The following ARHGEF37 variants were observed in gnomAD, a reference collection of about 807,000 sequenced individuals.
ARHGEF37 encodes Rho guanine nucleotide exchange factor 37.
ARHGEF37 carries 55 observed loss-of-function variants against 71.1 expected under a neutral mutation model. The observed-to-expected ratio is 0.77, with a 90% confidence interval of 0.62 to 0.97. The LOEUF is 0.97. Ranked by LOEUF, ARHGEF37 falls within the 50% of genes least tolerant of loss-of-function variation. The probability of loss-of-function intolerance (pLI) is 0.00; values close to 1 mark genes in which losing one functional copy is unlikely to be tolerated. For missense variants in ARHGEF37, 765 were observed against 836.8 expected (o/e 0.91, Z 1.06); for synonymous variants, 327 against 350.6 (o/e 0.93, Z 0.75).
intron 1 of ARHGEF37, among the ~76,000 whole-genome samples, chr5:149,595,972 A>G (rs1387911454): frequency 7.0e-6 from 1 of 143,772 alleles, no homozygotes; most frequent in East Asian, 2.1e-4. Flanking sequence ...CTGATCCACC[A>G]TTTCACAGAA....
At chr5:149,597,113 G>A (rs146824997) in intron 1 of ARHGEF37, among the ~76,000 whole-genome samples, 13 of 152,064 alleles carry the variant, frequency 8.5e-5, no homozygotes, top group Non-Finnish European at 1.2e-4. Context: ...TGGGGTGTAG[G>A]GGGACCACTG....
In ARHGEF37 at chr5:149,601,168, A is replaced by G. The variant is rs1184570207; in HGVS notation, c.247A>G (p.Ser83Gly). 3 of 1,613,518 alleles carry G rather than the reference A, an allele frequency of 1.9e-6. No homozygotes were observed. Among genetic ancestry groups the G allele is most frequent in the South Asian group, 1.1e-5 (1 of 91,044 alleles). The part of the protein sequence containing the change: ...SNIDDIIKVN[S>G]RFLHDLQETA... ...CATTGATGATATCATCAAAGTGAAC[A>G]GCAGATTCCTCCATGATCTGCAGGA... Residue 83 changes from serine to glycine, a missense_variant, in exon 3 of 13, where the codon AGC becomes GGC. Ser to Gly is a moderately conservative substitution (Grantham distance 56). Transcript: ENST00000333677.
In ARHGEF37 at chr5:149,622,063, G is replaced by A. The variant is rs1457443658; in HGVS notation, c.1335+1G>A. The A allele has an allele frequency of 3.1e-6, 5 of 1,603,164 alleles. No individual in the cohort carries two copies. In the East Asian group the frequency reaches 9.0e-5, roughly 29 times the overall value. Reference sequence around the variant, plus strand: ...GAGGGCAGAGGGAAGCATGGCCCAGGTAAGGCCTCTGAGACTTGGACACCT... The same window carrying A: ...GAGGGCAGAGGGAAGCATGGCCCAGATAAGGCCTCTGAGACTTGGACACCT... On this transcript the variant is annotated splice_donor_variant, in intron 9 of 12. Transcript: ENST00000333677. LOFTEE classifies it high-confidence loss of function.
At chr5:149,612,497 A>G (rs1752226298) in intron 4 of ARHGEF37, among the ~76,000 whole-genome samples, 1 of 152,214 alleles carries the variant, frequency 6.6e-6, no homozygotes, top group African/African-American at 2.4e-5. Context: ...ATGATAAGAG[A>G]AAGAAGGAAA....
intron 1 of ARHGEF37, among the ~76,000 whole-genome samples, chr5:149,583,050 A>T (rs1293515515): frequency 6.6e-6 from 1 of 152,242 alleles, no homozygotes; most frequent in Non-Finnish European, 1.5e-5. Context: ...GAAAGTAGAA[A>T]CTACCAGATA....
intron 1 of ARHGEF37, among the ~76,000 whole-genome samples, chr5:149,561,272 CAAAAAA>C (rs11334969): frequency 1.1e-4 from 7 of 63,238 alleles, no homozygotes; most frequent in Admixed American, 6.3e-4. Context: ...GACTCTGTCT[CAAAAAA>C]AAAAAAAAAA....
intron 10 of ARHGEF37, among the ~76,000 whole-genome samples, chr5:149,626,324 A>G (rs1752684508): frequency 6.6e-6 from 1 of 152,058 alleles, no homozygotes; most frequent in African/African-American, 2.4e-5. Context: ...TATATTTAAC[A>G]TATTTAGTTT....
At position 149,597,756 on chromosome 5, in the gene ARHGEF37, C is replaced by T. The variant is rs1763587274; in HGVS notation, c.-11-3C>T. 6.5e-7 allele frequency: 1 copy of T among 1,529,096 alleles called. No individual in the cohort carries two copies. Among genetic ancestry groups the T allele is most frequent in the African/African-American group, 1.4e-5 (1 of 70,732 alleles). 94.7% of individuals were successfully genotyped at this position (1,529,096 alleles called of 1,614,324 possible). ...TGAGTGGGGATGCTTTTGCTTTTCC[C>T]AGAACCTGCTGACATGGCCAAGCAT... On this transcript the variant is annotated splice_polypyrimidine_tract_variant and splice_region_variant and intron_variant, in intron 1 of 12. Transcript: ENST00000333677.
intron 1 of ARHGEF37, among the ~76,000 whole-genome samples, chr5:149,582,651 T>C (rs1435835721): frequency 7.5e-6 from 1 of 133,642 alleles, no homozygotes; most frequent in African/African-American, 2.9e-5. Context: ...AAGAGAATAA[T>C]TTGAATGGTT....
At chr5:149,601,526 C>T (rs1474884205) in intron 3 of ARHGEF37, among the ~76,000 whole-genome samples, 1 of 152,174 alleles carries the variant, frequency 6.6e-6, no homozygotes, top group Admixed American at 6.5e-5. Context: ...CACATTCATT[C>T]ATCCAACGGT....
intron 12 of ARHGEF37, 113 bp downstream of exon 12, chr5:149,629,079 C>G (rs946087161): frequency 1.9e-5 from 25 of 1,336,830 alleles, no homozygotes; most frequent in African/African-American, 2.9e-5. Context: ...GGCTGCCACT[C>G]TGTGAGACCA....
chr5:149,603,538 G>A (rs1214541956), intron 3 of ARHGEF37, among the ~76,000 whole-genome samples: 2 of 152,184 alleles, frequency 1.3e-5, no homozygotes, highest in Non-Finnish European at 2.9e-5. Flanking sequence ...TATACTGTGT[G>A]TTTATCATTC....
At chr5:149,629,656 G>A (rs1017932206) in intron 12 of ARHGEF37, among the ~76,000 whole-genome samples, 2 of 152,204 alleles carry the variant, frequency 1.3e-5, no homozygotes, top group Non-Finnish European at 1.5e-5. Flanking sequence ...GGAGAGGTGG[G>A]CAGGGACAGG....
rs10476743 is a variant in ARHGEF37 at position 149,625,264 on chromosome 5, A to T, written c.1464+1124A>T. Among the ~76,000 whole-genome samples the T allele has an allele frequency of 2.5e-3, 388 of 152,160 alleles. 3 individuals carry two copies. Among genetic ancestry groups the T allele is most frequent in the African/African-American group, 8.8e-3 (364 of 41,508 alleles). ...AATATAAGGAGAGGTTATCTGTTCTAGTCACTTGTAAAGTGTACCCAGGCA... is the reference window on the plus strand; with the variant it reads ...AATATAAGGAGAGGTTATCTGTTCTTGTCACTTGTAAAGTGTACCCAGGCA... On this transcript the variant is annotated intron_variant, in intron 10 of 12. Coordinates refer to ENST00000333677, the MANE Select transcript of ARHGEF37 (RefSeq NM_001001669.3).
chr5:149,621,665 G>A, intron 8 of ARHGEF37, 68 bp from the exon 9 acceptor site: 1 of 1,442,924 alleles, frequency 6.9e-7, no homozygotes, highest in Non-Finnish European at 9.5e-7. Context: ...TGCTTCCAAA[G>A]CCCCTTCTCA....
At chr5:149,612,369 G>T (rs537411043) in intron 4 of ARHGEF37, among the ~76,000 whole-genome samples, 10 of 152,030 alleles carry the variant, frequency 6.6e-5, no homozygotes, top group Non-Finnish European at 1.2e-4. Context: ...GGGTTTCACC[G>T]TGTTAGCCAG....
chr5:149,626,951 C>T (rs923880269), intron 10 of ARHGEF37, 125 bp from the exon 11 acceptor site: 20 of 960,002 alleles, frequency 2.1e-5, no homozygotes, highest in Non-Finnish European at 3.1e-5. Context: ...TCAGGGTGGG[C>T]CCTTCAGTGG....
chr5:149,593,136 T>G (rs1295509272), intron 1 of ARHGEF37, among the ~76,000 whole-genome samples: 1 of 152,228 alleles, frequency 6.6e-6, no homozygotes, highest in Non-Finnish European at 1.5e-5. Context: ...GCATTTGATA[T>G]TCTATAATAT....
intron 3 of ARHGEF37, 140 bp downstream of exon 3, chr5:149,601,371 A>G: frequency 9.7e-7 from 1 of 1,034,304 alleles, no homozygotes; most frequent in Non-Finnish European, 1.3e-6. Context: ...CCAAAACACA[A>G]CATATCAGAG....
Sources: allele counts gnomAD v4.1 joint callset (sites outside exome capture counted in the v4.1 genomes callset), GRCh38; gene constraint gnomAD v4.1.1; transcripts MANE v1.5; gene names NCBI Gene and HGNC (gene_info 2026-07-23, HGNC 2026-07-21).